The following IGSF10 variants were observed in gnomAD, a reference collection of about 807,000 sequenced individuals.
IGSF10 encodes the protein calvaria mechanical force protein 608.
Under a neutral mutation model 128.2 loss-of-function variants are expected in IGSF10, and 126 were observed. The observed-to-expected ratio is 0.98, with a 90% confidence interval of 0.85 to 1.14. IGSF10 has a LOEUF of 1.14. Ranked by LOEUF, IGSF10 falls within the 50% of genes most tolerant of loss-of-function variation. The probability of loss-of-function intolerance (pLI) is 0.00; values close to 1 mark genes in which losing one functional copy is unlikely to be tolerated. For missense variants in IGSF10, 3,295 were observed against 3,149.8 expected (o/e 1.05, Z -1.10); for synonymous variants, 1,185 against 1,146.2 (o/e 1.03, Z -0.68).
At chr3:151,618,729 C>CA in the IGSF10 span, among the ~76,000 whole-genome samples, 13 of 107,516 alleles carry the variant, frequency 1.2e-4, no homozygotes, top group Middle Eastern at 6.6e-3. Context: ...GACTCCATCT[C>CA]AAAAAAAAAT....
At position 151,437,309 on chromosome 3, in the gene IGSF10, C is replaced by T; in HGVS notation, c.7252G>A (p.Gly2418Ser). Reference sequence around the variant, plus strand: ...AATATGACTAATTTCTCAATATAGCCAACTTTATTCCTAGCTGCACAGCGA... The same window carrying T: ...AATATGACTAATTTCTCAATATAGCTAACTTTATTCCTAGCTGCACAGCGA... ...KYRCAARNKV[G>S]YIEKLVILEI... The change falls in exon 8 of 8, where the codon GGC becomes AGC. Residue 2418 changes from glycine to serine, a missense_variant. Transcript: ENST00000282466. 2 of 1,614,140 alleles carry T rather than the reference C, an allele frequency of 1.2e-6. No individual in the cohort carries two copies. Among genetic ancestry groups the T allele is most frequent in the Non-Finnish European group, 1.7e-6 (2 of 1,180,000 alleles).
the IGSF10 span, among the ~76,000 whole-genome samples, chr3:151,553,042 C>G: frequency 2.0e-5 from 3 of 152,036 alleles, no homozygotes; most frequent in African/African-American, 7.2e-5. Context: ...ACATGCAAAG[C>G]TATATTTTCA....
At chr3:151,497,003 T>C in the IGSF10 span, among the ~76,000 whole-genome samples, 7 of 152,232 alleles carry the variant, frequency 4.6e-5, no homozygotes, top group East Asian at 1.9e-4. Context: ...GTTCATATCC[T>C]TCACCCACTT....
chr3:151,510,595 T>C, the IGSF10 span, among the ~76,000 whole-genome samples: 1 of 151,890 alleles, frequency 6.6e-6, no homozygotes, highest in African/African-American at 2.4e-5. Context: ...TCACCAGCAA[T>C]GGAACAAAGC....
the IGSF10 span, among the ~76,000 whole-genome samples, chr3:151,467,039 T>C: frequency 6.6e-6 from 1 of 152,126 alleles, no homozygotes; most frequent in African/African-American, 2.4e-5. Flanking sequence ...TTCATTGGTA[T>C]GCAGAGGTCT....
chr3:151,486,130 A>C, the IGSF10 span, among the ~76,000 whole-genome samples: 2 of 152,128 alleles, frequency 1.3e-5, no homozygotes, highest in African/African-American at 4.8e-5. Context: ...ATGGAAAGCA[A>C]AAAACAAAAC....
chr3:151,589,937 C>T, the IGSF10 span, among the ~76,000 whole-genome samples: 1 of 151,688 alleles, frequency 6.6e-6, no homozygotes, highest in East Asian at 1.9e-4. Flanking sequence ...CAACTTTTGC[C>T]CTTTGAAAGA....
chr3:151,575,764 G>T, the IGSF10 span, among the ~76,000 whole-genome samples: 1 of 152,226 alleles, frequency 6.6e-6, no homozygotes, highest in East Asian at 1.9e-4. Flanking sequence ...AGATGAACCA[G>T]GTACCTCAGT....
In IGSF10 at chr3:151,460,942, T is replaced by C. The variant is rs1005365662; in HGVS notation, c.-89+4A>G. On this transcript the variant is annotated splice_donor_region_variant and intron_variant, in intron 1 of 7. Coordinates refer to ENST00000282466, the MANE Select transcript of IGSF10 (RefSeq NM_178822.5). ...TCCGGGGAAGGATTGGCCGAGGCGC[T>C]CACCTGTTTGCCCTGGTGACCAATG... 7.7e-5 allele frequency: 76 copies of C among 985,196 alleles called. No individual in the cohort carries two copies. Among genetic ancestry groups the C allele is most frequent in the Non-Finnish European group, 8.8e-5 (73 of 829,908 alleles). 61.0% of individuals were successfully genotyped at this position (985,196 alleles called of 1,614,324 possible).
In IGSF10 at chr3:151,437,107, A is replaced by C; in HGVS notation, c.7454T>G (p.Leu2485Trp). ...AATGACTAAGGTGCCATTGTCATGC[A>C]ATATGTATTTCCCATTAATTTGAGG... ...DRPQINGKYI[L>W]HDNGTLVIKE... is the part of the protein sequence containing the mutation. Residue 2485 changes from leucine (L) to tryptophan (W), a missense_variant, in exon 8 of 8, where the codon TTG becomes TGG. Coordinates refer to ENST00000282466, the MANE Select transcript of IGSF10 (RefSeq NM_178822.5). 2.5e-6 allele frequency: 4 copies of C among 1,614,208 alleles called. No homozygotes were observed. Among genetic ancestry groups the C allele is most frequent in the Non-Finnish European group, 3.4e-6 (4 of 1,180,016 alleles).
At chr3:151,463,540 T>TTTTG (rs1722155567), upstream of IGSF10, among the ~76,000 whole-genome samples, 2 of 109,276 alleles carry the variant, frequency 1.8e-5, no homozygotes, top group Non-Finnish European at 3.6e-5. Context: ...TTTTTTTTTT[T>TTTTG]TTTTTTTTTT....
rs1720348750 is a variant in IGSF10, at chr3:151,437,047, A to G, written c.7514T>C (p.Ile2505Thr). The part of the protein sequence containing the change: ...EATAYDRGNY[I>T]CKAQNSVGHT... ...ACCAACACTATTTTGAGCCTTACAG[A>G]TATAGTTTCCTCTGTCATAAGCTGT... The change falls in exon 8 of 8, where the codon ATC (isoleucine) becomes ACC (threonine). Residue 2505 changes from isoleucine (I) to threonine (T), a missense_variant. Transcript: ENST00000282466. The G allele has an allele frequency of 2.5e-6, 4 of 1,614,198 alleles. No individual in the cohort carries two copies. In the East Asian group the frequency reaches 8.9e-5, roughly 36 times the overall value.
the IGSF10 span, among the ~76,000 whole-genome samples, chr3:151,565,554 A>C: frequency 6.6e-6 from 1 of 152,140 alleles, no homozygotes; most frequent in Non-Finnish European, 1.5e-5. Context: ...TCAAATTATG[A>C]AGTTCAAGCA....
the IGSF10 span, among the ~76,000 whole-genome samples, chr3:151,506,353 C>T: frequency 2.5e-4 from 38 of 152,188 alleles, no homozygotes; most frequent in African/African-American, 8.7e-4. Context: ...CCCTGAACTC[C>T]GTAATTTTAG....
the IGSF10 span, among the ~76,000 whole-genome samples, chr3:151,603,254 G>C: frequency 3.4e-4 from 52 of 152,294 alleles, no homozygotes; most frequent in African/African-American, 1.2e-3. Context: ...TGTTCTGTAG[G>C]CCTGATCTTA....
chr3:151,484,346 C>G, the IGSF10 span, among the ~76,000 whole-genome samples: 2 of 152,198 alleles, frequency 1.3e-5, no homozygotes, highest in Admixed American at 1.3e-4. Context: ...GGACACAGCA[C>G]ATGGCGGGAG....
chr3:151,573,897 T>C, the IGSF10 span, among the ~76,000 whole-genome samples: 1 of 152,360 alleles, frequency 6.6e-6, no homozygotes, highest in South Asian at 2.1e-4. Flanking sequence ...TAGTGCTTCC[T>C]TCAGGAGCTC....
chr3:151,437,170 A>ATATT lies in IGSF10; in HGVS notation c.7387_7390dup (p.Ile2464LysfsTer18), dbSNP rs1385240505. 1.2e-6 allele frequency: 2 copies of ATATT among 1,614,144 alleles called. No homozygotes were observed. The highest frequency in any genetic ancestry group is 1.1e-5 in the South Asian group (1 of 91,072). The stretch of plus-strand genomic sequence containing the variant: ...ATAACCACTTGGCATAGTCCATTTG[A>ATATT]TATTTGGCTTAGGGATTCCATCAGA... On this transcript the variant is annotated frameshift_variant, in exon 8 of 8. Coordinates refer to ENST00000282466, the MANE Select transcript of IGSF10 (RefSeq NM_178822.5). LOFTEE classifies it low-confidence loss of function (END_TRUNC).
At chr3:151,469,105 A>C in the IGSF10 span, among the ~76,000 whole-genome samples, 3 of 152,238 alleles carry the variant, frequency 2.0e-5, no homozygotes, top group Non-Finnish European at 2.9e-5. Flanking sequence ...TTCATGGTGT[A>C]TACTTACCAC....
Sources: allele counts gnomAD v4.1 joint callset (sites outside exome capture counted in the v4.1 genomes callset), GRCh38; gene constraint gnomAD v4.1.1; transcripts MANE v1.5; gene names NCBI Gene and HGNC (gene_info 2026-07-23, HGNC 2026-07-21).